PITPNC1: variants seen among roughly 807,000 people sequenced by gnomAD.
PITPNC1 encodes cytoplasmic phosphatidylinositol transfer protein 1.
Under a neutral mutation model 44.7 loss-of-function variants are expected in PITPNC1, and 18 were observed. The ratio of observed to expected loss-of-function variants is 0.40; its 90% CI spans 0.28 to 0.60. PITPNC1 has a LOEUF of 0.60. Ranked by LOEUF, PITPNC1 falls within the 20% of genes least tolerant of loss-of-function variation. PITPNC1 has a pLI of 0.39. For synonymous variants in PITPNC1, 141 were observed against 149.6 expected (o/e 0.94, Z 0.42); for missense variants, 290 against 418.4 (o/e 0.69, Z 2.68).
At chr17:67,526,595 G>A (rs1270160961) in intron 1 of PITPNC1, among the ~76,000 whole-genome samples, 1 of 152,142 alleles carries the variant, frequency 6.6e-6, no homozygotes, top group East Asian at 1.9e-4. Context: ...AGCCAGGCAT[G>A]GTGGTGTGTG....
At chr17:67,648,981 C>G (rs534802000) in intron 6 of PITPNC1, among the ~76,000 whole-genome samples, 2 of 152,202 alleles carry the variant, frequency 1.3e-5, no homozygotes, top group South Asian at 4.2e-4. Context: ...TAGCAACAGC[C>G]CATCTACAAA....
chr17:67,557,002 G>A (rs1371976358), intron 4 of PITPNC1, among the ~76,000 whole-genome samples: 1 of 152,150 alleles, frequency 6.6e-6, no homozygotes, highest in Non-Finnish European at 1.5e-5. Flanking sequence ...GACCTGAAGG[G>A]ACAGTACAAC....
At chr17:67,639,836 G>A (rs957951342) in intron 6 of PITPNC1, among the ~76,000 whole-genome samples, 7 of 152,142 alleles carry the variant, frequency 4.6e-5, no homozygotes, top group Non-Finnish European at 8.8e-5. Context: ...GCTAAGGACC[G>A]GCCCTCAGAA....
At chr17:67,575,069 ACTC>A (rs1317525995) in intron 4 of PITPNC1, among the ~76,000 whole-genome samples, 6 of 149,010 alleles carry the variant, frequency 4.0e-5, no homozygotes, top group Non-Finnish European at 6.0e-5. Context: ...GTGGGTAAAA[ACTC>A]CTCACAGTGT....
At chr17:67,684,271 C>T (rs2042773131) in intron 8 of PITPNC1, among the ~76,000 whole-genome samples, 1 of 151,628 alleles carries the variant, frequency 6.6e-6, no homozygotes, top group African/African-American at 2.4e-5. Context: ...TGCCACCATA[C>T]CTGGCTAATT....
chr17:67,515,082 A>G (rs1331819387), intron 1 of PITPNC1, among the ~76,000 whole-genome samples: 1 of 152,176 alleles, frequency 6.6e-6, no homozygotes, highest in Non-Finnish European at 1.5e-5. Context: ...ATGGTTAAAA[A>G]TCAGATTTGT....
intron 1 of PITPNC1, among the ~76,000 whole-genome samples, chr17:67,504,970 T>C (rs1354159576): frequency 6.6e-6 from 1 of 152,228 alleles, no homozygotes; most frequent in Non-Finnish European, 1.5e-5. Flanking sequence ...TATTTTCTAC[T>C]CTCCCTTGTG....
intron 4 of PITPNC1, among the ~76,000 whole-genome samples, chr17:67,569,589 C>T (rs967184993): frequency 4.6e-5 from 7 of 152,106 alleles, no homozygotes; most frequent in African/African-American, 7.2e-5. Context: ...TGGTGGATTC[C>T]GTTGGGTTTG....
intron 2 of PITPNC1, among the ~76,000 whole-genome samples, chr17:67,537,896 C>T (rs112318026): frequency 0.011 from 1,731 of 151,472 alleles, 33 homozygotes; most frequent in African/African-American, 0.041. Context: ...CACTTGAACC[C>T]GCTAGGTGGT....
intron 1 of PITPNC1, among the ~76,000 whole-genome samples, chr17:67,459,113 C>CTTTTTTTTTTTTTTTTTTTT (rs886333854): frequency 8.4e-5 from 8 of 95,714 alleles, no homozygotes; most frequent in African/African-American, 2.5e-4. Context: ...TTTTCTTTTT[C>CTTTTTTTTTTTTTTTTTTTT]TTTTTTTTTT....
At chr17:67,555,766 C>T (rs1344860877) in intron 4 of PITPNC1, among the ~76,000 whole-genome samples, 1 of 151,730 alleles carries the variant, frequency 6.6e-6, no homozygotes. Flanking sequence ...ATCATTTGAA[C>T]CCAGGAGGCA....
intron 5 of PITPNC1, among the ~76,000 whole-genome samples, chr17:67,619,239 G>A (rs1269667471): frequency 2.0e-5 from 3 of 152,084 alleles, no homozygotes; most frequent in African/African-American, 7.2e-5. Flanking sequence ...GCTCAAACTG[G>A]GAATGACCAT....
At chr17:67,497,085 CGGTGAAT>C (rs1213098118) in intron 1 of PITPNC1, among the ~76,000 whole-genome samples, 1 of 152,040 alleles carries the variant, frequency 6.6e-6, no homozygotes, top group Non-Finnish European at 1.5e-5. Flanking sequence ...ATGACTGTTC[CGGTGAAT>C]AGCCACTGCA....
chr17:67,606,471 A>C (rs994284387), intron 5 of PITPNC1, among the ~76,000 whole-genome samples: 5 of 152,216 alleles, frequency 3.3e-5, no homozygotes, highest in African/African-American at 4.8e-5. Flanking sequence ...AAGAGCTCCA[A>C]AGAGCACGTT....
At chr17:67,687,064 A>G in intron 8 of PITPNC1, 2 of 1,571,940 alleles carry the variant, frequency 1.3e-6, no homozygotes, top group South Asian at 1.1e-5. Context: ...GACCTCTTTC[A>G]GATATGACAA....
intron 1 of PITPNC1, among the ~76,000 whole-genome samples, chr17:67,415,722 G>A (rs1408784099): frequency 6.6e-6 from 1 of 151,470 alleles, no homozygotes; most frequent in African/African-American, 2.4e-5. Context: ...CATTTTTTTT[G>A]GAACCCAGAA....
At chr17:67,690,632 C>A (rs893942546) in intron 8 of PITPNC1, among the ~76,000 whole-genome samples, 1 of 151,978 alleles carries the variant, frequency 6.6e-6, no homozygotes, top group Non-Finnish European at 1.5e-5. Context: ...AAAAATGGGT[C>A]TCTGGGGGGC....
intron 5 of PITPNC1, among the ~76,000 whole-genome samples, chr17:67,610,041 C>G (rs190388121): frequency 1.6e-4 from 25 of 152,258 alleles, no homozygotes; most frequent in Non-Finnish European, 2.9e-4. Context: ...GACTGGCACC[C>G]AAGACCTTCT....
intron 4 of PITPNC1, among the ~76,000 whole-genome samples, chr17:67,576,075 C>G (rs967790732): frequency 3.3e-5 from 5 of 151,856 alleles, no homozygotes; most frequent in African/African-American, 1.2e-4. Context: ...CGGGGTTTCG[C>G]CATGGTGGCC....
Sources: gnomAD v4.1 joint callset for allele counts (sites outside exome capture counted in the v4.1 genomes callset) on GRCh38, gnomAD v4.1.1 for gene constraint, MANE v1.5 for transcripts, NCBI Gene and HGNC (gene_info 2026-07-23, HGNC 2026-07-21) for gene names.